Variants in CEP83 observed in about 807,000 individuals in gnomAD.
CEP83 encodes the protein centrosomal protein 83.
Under a neutral mutation model 101.9 loss-of-function variants are expected in CEP83, and 70 were observed. The ratio of observed to expected loss-of-function variants is 0.69; its 90% CI spans 0.57 to 0.84. The LOEUF (loss-of-function observed/expected upper bound fraction) is 0.84, where lower values mean the gene tolerates loss of function less well. CEP83 is among the 40% of genes least tolerant of loss of function. The pLI, the probability that CEP83 is intolerant of heterozygous loss-of-function variation, is 0.00. For missense variants in CEP83, 715 were observed against 787.2 expected (o/e 0.91, Z 1.10); for synonymous variants, 264 against 267.9 (o/e 0.99, Z 0.14).
chr12:94,415,122 C>T (rs541192109), intron 2 of CEP83, among the ~76,000 whole-genome samples: 2 of 151,708 alleles, frequency 1.3e-5, no homozygotes, highest in African/African-American at 2.4e-5. Context: ...TTTGGAAAAA[C>T]ATGAAAACAA....
At chr12:94,340,513 TG>T in intron 11 of CEP83, among the ~76,000 whole-genome samples, 1 of 151,944 alleles carries the variant, frequency 6.6e-6, no homozygotes, top group Non-Finnish European at 1.5e-5. Context: ...CTTGGCTCAC[TG>T]TAACCTCCGC....
chr12:94,272,837 T>C, the CEP83 span, among the ~76,000 whole-genome samples: 1 of 152,198 alleles, frequency 6.6e-6, no homozygotes, highest in Non-Finnish European at 1.5e-5. Context: ...GTGGGTTCTG[T>C]GGGGTTCAAT....
the CEP83 span, among the ~76,000 whole-genome samples, chr12:94,285,409 T>C: frequency 3.0e-4 from 45 of 152,136 alleles, no homozygotes; most frequent in African/African-American, 1.0e-3. Flanking sequence ...AGTGGTTGCG[T>C]TGGGTGATGA....
intron 6 of CEP83, among the ~76,000 whole-genome samples, chr12:94,388,085 T>C (rs79997997): frequency 0.045 from 6,918 of 152,324 alleles, 213 homozygotes; most frequent in Non-Finnish European, 0.072. Context: ...GGGTATATAC[T>C]GAAAGGAGAG....
intron 1 of CEP83, among the ~76,000 whole-genome samples, chr12:94,436,057 C>T (rs1406744870): frequency 6.6e-6 from 1 of 151,152 alleles, no homozygotes; most frequent in Non-Finnish European, 1.5e-5. Flanking sequence ...AGGAATCACC[C>T]TGTGGGACAA....
intron 8 of CEP83, among the ~76,000 whole-genome samples, chr12:94,373,866 T>C (rs1293790094): frequency 6.6e-6 from 1 of 152,208 alleles, no homozygotes; most frequent in Non-Finnish European, 1.5e-5. Context: ...AACTTCAAGT[T>C]GCAAAGAAAA....
At chr12:94,419,446 G>T (rs1359129930) in intron 2 of CEP83, among the ~76,000 whole-genome samples, 1 of 152,014 alleles carries the variant, frequency 6.6e-6, no homozygotes, top group Admixed American at 6.5e-5. Flanking sequence ...CAGATGATGT[G>T]ATATCAATTA....
At chr12:94,374,065 A>G (rs892208144) in intron 8 of CEP83, among the ~76,000 whole-genome samples, 1 of 152,198 alleles carries the variant, frequency 6.6e-6, no homozygotes. Flanking sequence ...GTATTAATAA[A>G]CAAGCACAGA....
intron 8 of CEP83, among the ~76,000 whole-genome samples, 187 bp from the exon 9 acceptor site, chr12:94,370,223 T>A (rs1593477003): frequency 6.6e-6 from 1 of 152,360 alleles, no homozygotes; most frequent in South Asian, 2.1e-4. Context: ...AAAATACTGT[T>A]CTTTCCTAAC....
chr12:94,409,092 C>A (rs926147686), intron 4 of CEP83, among the ~76,000 whole-genome samples: 1 of 151,378 alleles, frequency 6.6e-6, no homozygotes, highest in Admixed American at 6.6e-5. Context: ...TAAAAATAAT[C>A]ATCTTTCATA....
At chr12:94,456,493 A>G (rs897939417) in intron 1 of CEP83, among the ~76,000 whole-genome samples, 2 of 152,210 alleles carry the variant, frequency 1.3e-5, no homozygotes, top group Admixed American at 1.3e-4. Flanking sequence ...TAATTTATAA[A>G]GGAAAGAGGT....
chr12:94,288,986 C>T, the CEP83 span, among the ~76,000 whole-genome samples: 7 of 152,258 alleles, frequency 4.6e-5, no homozygotes, highest in South Asian at 1.0e-3. Context: ...TTTATAGCTA[C>T]AATGCCAGCA....
At chr12:94,310,733 T>G (rs1969730363) in intron 15 of CEP83, among the ~76,000 whole-genome samples, 1 of 152,202 alleles carries the variant, frequency 6.6e-6, no homozygotes, top group South Asian at 2.1e-4. Flanking sequence ...AAATGCTGGA[T>G]TGAAGCTTAC....
intron 11 of CEP83, chr12:94,335,923 G>A (rs949169319): frequency 7.5e-5 from 26 of 346,268 alleles, no homozygotes; most frequent in South Asian, 1.0e-4. Flanking sequence ...ACTGGGGAAC[G>A]CTACATGGAT....
intron 8 of CEP83, among the ~76,000 whole-genome samples, chr12:94,372,784 CT>C (rs2061362079): frequency 6.6e-6 from 1 of 152,194 alleles, no homozygotes; most frequent in African/African-American, 2.4e-5. Context: ...CCTACTTTTG[CT>C]GTTAAACCAG....
At chr12:94,432,633 A>T (rs1161840021) in intron 2 of CEP83, among the ~76,000 whole-genome samples, 1 of 152,182 alleles carries the variant, frequency 6.6e-6, no homozygotes. Context: ...TGCTTAATGA[A>T]TACAGATATC....
chr12:94,276,281 C>A, the CEP83 span, among the ~76,000 whole-genome samples: 1 of 152,148 alleles, frequency 6.6e-6, no homozygotes, highest in Non-Finnish European at 1.5e-5. Context: ...TTACCCGCCA[C>A]CATGAGAAGA....
chr12:94,288,554 T>C, the CEP83 span, among the ~76,000 whole-genome samples: 3 of 152,338 alleles, frequency 2.0e-5, no homozygotes, highest in African/African-American at 7.2e-5. Flanking sequence ...TCCAGCATCC[T>C]GTAAGCCCTC....
the CEP83 span, among the ~76,000 whole-genome samples, chr12:94,292,069 T>G: frequency 6.6e-6 from 1 of 152,236 alleles, no homozygotes; most frequent in Admixed American, 6.5e-5. Context: ...TTCCTTTTAT[T>G]GTATGGCAAT....
Sources: allele counts gnomAD v4.1 joint callset (sites outside exome capture counted in the v4.1 genomes callset), GRCh38; gene constraint gnomAD v4.1.1; transcripts MANE v1.5; gene names NCBI Gene and HGNC (gene_info 2026-07-23, HGNC 2026-07-21).